CHRM2: variants seen among roughly 807,000 people sequenced by gnomAD.
CHRM2 encodes the protein muscarinic acetylcholine receptor M2.
A neutral mutation model predicts 25.0 loss-of-function variants in CHRM2; 8 were observed. The ratio of observed to expected loss-of-function variants is 0.32; its 90% confidence interval spans 0.19 to 0.58. CHRM2 has a LOEUF of 0.58. Among genes scored for constraint, CHRM2 ranks in the 20% least tolerant of loss-of-function variants. CHRM2 has a pLI of 0.88. For missense variants in CHRM2, 440 were observed against 567.1 expected (o/e 0.78, Z 2.28); for synonymous variants, 202 against 205.7 (o/e 0.98, Z 0.15).
chr7:136,987,700 G>A (rs1246405111), intron 2 of CHRM2, among the ~76,000 whole-genome samples: 2 of 152,120 alleles, frequency 1.3e-5, no homozygotes, highest in African/African-American at 2.4e-5. Flanking sequence ...TGCGTCAGTC[G>A]GAGCTACCAG....
At chr7:136,913,548 A>G (rs1294837551) in intron 2 of CHRM2, among the ~76,000 whole-genome samples, 1 of 151,956 alleles carries the variant, frequency 6.6e-6, no homozygotes, top group Non-Finnish European at 1.5e-5. Flanking sequence ...AACTTTGCCA[A>G]TACCTTTGAC....
intron 2 of CHRM2, among the ~76,000 whole-genome samples, chr7:136,908,146 T>G (rs1347462651): frequency 6.6e-6 from 1 of 151,934 alleles, no homozygotes; most frequent in Non-Finnish European, 1.5e-5. Context: ...TCTAAGCCCT[T>G]TCTAGTTGCT....
chr7:136,892,000 C>T (rs961664099), intron 2 of CHRM2, among the ~76,000 whole-genome samples: 1 of 152,176 alleles, frequency 6.6e-6, no homozygotes, highest in African/African-American at 2.4e-5. Context: ...AAGGCAGAAA[C>T]AACAGCTGTC....
At chr7:136,935,643 A>G (rs2130796462) in intron 2 of CHRM2, among the ~76,000 whole-genome samples, 1 of 152,244 alleles carries the variant, frequency 6.6e-6, no homozygotes, top group East Asian at 1.9e-4. Flanking sequence ...TCTTATTTTT[A>G]TTGAGTTAAA....
chr7:136,909,282 A>T (rs546185696), intron 2 of CHRM2, among the ~76,000 whole-genome samples: 1 of 152,108 alleles, frequency 6.6e-6, no homozygotes, highest in South Asian at 2.1e-4. Context: ...ACTCACAGAC[A>T]ATCTTGTTCT....
At chr7:136,963,037 C>T (rs568182842) in intron 2 of CHRM2, among the ~76,000 whole-genome samples, 94 of 152,016 alleles carry the variant, frequency 6.2e-4, no homozygotes, top group African/African-American at 2.2e-3. Context: ...AAAAAGAATA[C>T]AAATCAAATT....
intron 3 of CHRM2, among the ~76,000 whole-genome samples, chr7:137,010,605 T>C (rs1804739190): frequency 6.6e-6 from 1 of 151,992 alleles, no homozygotes; most frequent in Admixed American, 6.6e-5. Flanking sequence ...CTGTGCATCA[T>C]GCTGAGAGAA....
At chr7:136,873,594 C>G (rs1024080713) in intron 2 of CHRM2, among the ~76,000 whole-genome samples, 1 of 152,076 alleles carries the variant, frequency 6.6e-6, no homozygotes, top group Non-Finnish European at 1.5e-5. Context: ...GGTAATGACC[C>G]GAGATCATAC....
chr7:136,918,901 G>A (rs1798269156), intron 2 of CHRM2, among the ~76,000 whole-genome samples: 1 of 152,112 alleles, frequency 6.6e-6, no homozygotes, highest in Admixed American at 6.6e-5. Context: ...GTATAAAGAT[G>A]AGAAAATCTT....
intron 3 of CHRM2, among the ~76,000 whole-genome samples, chr7:137,012,115 A>AT (rs1236099245): frequency 1.3e-5 from 2 of 152,024 alleles, no homozygotes; most frequent in African/African-American, 4.8e-5. Flanking sequence ...CAATACATTC[A>AT]TTTTTTGTAT....
chr7:136,889,131 T>C (rs1796595033), intron 2 of CHRM2, among the ~76,000 whole-genome samples: 1 of 151,868 alleles, frequency 6.6e-6, no homozygotes, highest in African/African-American at 2.4e-5. Context: ...ATTTGTACTG[T>C]CTCCATTTCT....
intron 2 of CHRM2, among the ~76,000 whole-genome samples, chr7:136,972,210 C>A (rs1381734734): frequency 6.6e-6 from 1 of 151,622 alleles, no homozygotes; most frequent in Non-Finnish European, 1.5e-5. Flanking sequence ...CAGACAAAAA[C>A]TAAAGGATTT....
At chr7:136,915,176 G>A (rs192235659) in intron 2 of CHRM2, among the ~76,000 whole-genome samples, 149 of 151,960 alleles carry the variant, frequency 9.8e-4, no homozygotes, top group African/African-American at 3.4e-3. Flanking sequence ...GAAATGTGTA[G>A]CTACGGCAAG....
chr7:136,872,753 G>T (rs2130455453), intron 2 of CHRM2, among the ~76,000 whole-genome samples: 1 of 152,310 alleles, frequency 6.6e-6, no homozygotes, highest in Non-Finnish European at 1.5e-5. Context: ...AAGTACAAAA[G>T]AGGGAGAAGA....
intron 3 of CHRM2, among the ~76,000 whole-genome samples, chr7:137,000,219 G>GAA (rs1311468472): frequency 3.1e-4 from 24 of 77,080 alleles, no homozygotes; most frequent in African/African-American, 1.3e-3. Context: ...TTTTTTTTCG[G>GAA]ACAGAGTCTC....
intron 2 of CHRM2, among the ~76,000 whole-genome samples, chr7:136,973,146 C>T (rs1226435237): frequency 1.5e-5 from 1 of 66,966 alleles, no homozygotes. Flanking sequence ...ATGATGGTGA[C>T]GGTGTTAGGG....
At chr7:136,943,615 C>G (rs540785866) in intron 2 of CHRM2, among the ~76,000 whole-genome samples, 3 of 152,152 alleles carry the variant, frequency 2.0e-5, no homozygotes, top group South Asian at 4.2e-4. Context: ...ATCAGTGATT[C>G]TTTAATTTGG....
At chr7:136,910,899 A>G (rs1253643372) in intron 2 of CHRM2, among the ~76,000 whole-genome samples, 2 of 151,666 alleles carry the variant, frequency 1.3e-5, no homozygotes, top group Non-Finnish European at 1.5e-5. Context: ...GTCATTCCAA[A>G]TGGTGTATTT....
intron 2 of CHRM2, among the ~76,000 whole-genome samples, chr7:136,872,333 T>C (rs907453347): frequency 1.3e-5 from 2 of 152,186 alleles, no homozygotes; most frequent in East Asian, 1.9e-4. Flanking sequence ...CAGAGTCAGA[T>C]GTGGAAAGAA....
Sources: allele counts gnomAD v4.1 joint callset (sites outside exome capture counted in the v4.1 genomes callset), GRCh38; gene constraint gnomAD v4.1.1; transcripts MANE v1.5; gene names NCBI Gene and HGNC (gene_info 2026-07-23, HGNC 2026-07-21).